EDDM13: variants seen among roughly 807,000 people sequenced by gnomAD.
The protein encoded by EDDM13 is epididymal protein 13.
In EDDM13, 24 loss-of-function variants were observed where a neutral mutation model predicts 17.8. That is an observed-to-expected ratio of 1.35 (90% CI 0.98 to 1.90). EDDM13 has a LOEUF of 1.90. Among genes scored for constraint, EDDM13 ranks in the 40% most tolerant of loss-of-function variants. The pLI, the probability that EDDM13 is intolerant of heterozygous loss-of-function variation, is 0.00. For missense variants in EDDM13, 97 were observed against 100.8 expected (o/e 0.96, Z 0.16); for synonymous variants, 31 against 37.5 (o/e 0.83, Z 0.63).
intron 12 of EDDM13, among the ~76,000 whole-genome samples, chr19:56,298,392 T>C (rs377364578): frequency 6.6e-6 from 1 of 152,088 alleles, no homozygotes; most frequent in African/African-American, 2.4e-5. Context: ...AATCCCAGCA[T>C]TCTGGGAGGC....
intron 2 of EDDM13, chr19:56,280,464 T>C (rs928143761): frequency 6.6e-6 from 1 of 152,056 alleles, no homozygotes; most frequent in African/African-American, 2.4e-5. Flanking sequence ...TAGATCTACA[T>C]ATTTATATCT....
intron 12 of EDDM13, among the ~76,000 whole-genome samples, chr19:56,300,828 GT>G (rs1487136019): frequency 1.3e-5 from 2 of 152,070 alleles, no homozygotes; most frequent in Non-Finnish European, 2.9e-5. Context: ...TTTTCTGAAT[GT>G]AATACTTTTA....
At chr19:56,284,158 T>A in intron 4 of EDDM13, 40 bp from the exon 5 acceptor site, 1 of 985,504 alleles carries the variant, frequency 1.0e-6, no homozygotes, top group Non-Finnish European at 1.2e-6. Flanking sequence ...GCATGTAACC[T>A]TGGCCACCAT....
At chr19:56,287,595 C>T (rs1040060569) in intron 6 of EDDM13, among the ~76,000 whole-genome samples, 5 of 152,162 alleles carry the variant, frequency 3.3e-5, no homozygotes, top group African/African-American at 1.2e-4. Context: ...TCTTATTCCA[C>T]ATGTGAAGTG....
At chr19:56,297,021 A>G (rs1176857861) in intron 11 of EDDM13, among the ~76,000 whole-genome samples, 1 of 152,052 alleles carries the variant, frequency 6.6e-6, no homozygotes, top group Non-Finnish European at 1.5e-5. Context: ...GTGAGCCGAG[A>G]TCATGCCATT....
intron 12 of EDDM13, among the ~76,000 whole-genome samples, chr19:56,299,297 A>G (rs1001495994): frequency 6.6e-6 from 1 of 151,924 alleles, no homozygotes; most frequent in Non-Finnish European, 1.5e-5. Flanking sequence ...ACACCCAGCT[A>G]ATTTATTAAA....
In EDDM13 at chr19:56,284,996, A is replaced by G. The variant is rs1280434199; in HGVS notation, c.128-2A>G. 4 of 985,210 alleles carry G rather than the reference A, an allele frequency of 4.1e-6. No individual in the cohort carries two copies. The highest frequency in any genetic ancestry group is 4.8e-6 in the Non-Finnish European group (4 of 829,740). The allele number at this position is 985,210 out of a possible 1,614,324, so 61.0% of individuals were successfully genotyped here. A position where few individuals can be genotyped will look rare whatever the true frequency, so the allele number is the denominator to read the frequency against. On this transcript the variant is annotated splice_acceptor_variant, in intron 5 of 14. Coordinates refer to ENST00000649256, the MANE Select transcript of EDDM13 (RefSeq NM_001354658.2). LOFTEE classifies it high-confidence loss of function. ...CATCATGTGTTATGTCTTCTTCCTC[A>G]GGTCTCATGAGCAGACTGTCACCGG... is the stretch of plus-strand genomic sequence containing the variant.
At chr19:56,304,726 G>A in intron 13 of EDDM13, 67 bp from the exon 14 acceptor site, 1 of 938,086 alleles carries the variant, frequency 1.1e-6, no homozygotes, top group Non-Finnish European at 1.3e-6. Flanking sequence ...GGGAGGTAAG[G>A]AAGGAATTCA....
chr19:56,297,488 C>T lies in EDDM13; in HGVS notation c.269-17C>T, dbSNP rs1179123644. On this transcript the variant is annotated splice_polypyrimidine_tract_variant and intron_variant, in intron 11 of 14. Coordinates refer to ENST00000649256, the MANE Select transcript of EDDM13 (RefSeq NM_001354658.2). ...TCTCTTCCTGCTTCTTTTTCTCCTC[C>T]ATCTCTTCATTTTTAGAAGAAACAA... 1 of 981,498 alleles carries T rather than the reference C, an allele frequency of 1.0e-6. No homozygotes were observed. Among genetic ancestry groups the T allele is most frequent in the East Asian group, 1.1e-4 (1 of 8,786 alleles). The allele number at this position is 981,498 out of a possible 1,614,324, so 60.8% of individuals were successfully genotyped here.
intron 4 of EDDM13, 195 bp from the exon 5 acceptor site, chr19:56,284,003 C>A: frequency 6.2e-6 from 1 of 161,622 alleles, no homozygotes; most frequent in Non-Finnish European, 1.3e-5. Context: ...CGTTCTGAGT[C>A]TTAGTCCCTG....
At chr19:56,286,984 G>GTGTGGT (rs2039174360) in intron 6 of EDDM13, among the ~76,000 whole-genome samples, 1 of 152,260 alleles carries the variant, frequency 6.6e-6, no homozygotes, top group South Asian at 2.1e-4. Context: ...GCACTGCACA[G>GTGTGGT]TGTGGTTGTG....
chr19:56,273,518 T>C (rs150335703), intron 1 of EDDM13, among the ~76,000 whole-genome samples: 1 of 152,156 alleles, frequency 6.6e-6, no homozygotes, highest in East Asian at 1.9e-4. Flanking sequence ...CATTCTAGTG[T>C]GGGGATTCGG....
intron 2 of EDDM13, among the ~76,000 whole-genome samples, chr19:56,278,278 T>A (rs2038418992): frequency 6.6e-6 from 1 of 152,130 alleles, no homozygotes; most frequent in Non-Finnish European, 1.5e-5. Context: ...GGACTATAGG[T>A]GCATGCCACC....
intron 1 of EDDM13, among the ~76,000 whole-genome samples, chr19:56,273,974 G>A (rs1481395265): frequency 2.6e-5 from 4 of 152,122 alleles, no homozygotes; most frequent in Admixed American, 1.3e-4. Context: ...GTTAGAAAAC[G>A]TTTTGGTCAT....
chr19:56,282,755 A>C (rs2038810966), intron 4 of EDDM13, among the ~76,000 whole-genome samples: 2 of 152,246 alleles, frequency 1.3e-5, no homozygotes, highest in South Asian at 4.1e-4. Flanking sequence ...ACATGGCTCA[A>C]GGAAAGCTAT....
chr19:56,299,744 A>G (rs1222521209), intron 12 of EDDM13: 1 of 152,146 alleles, frequency 6.6e-6, no homozygotes, highest in African/African-American at 2.4e-5. Context: ...GTACTGTTAT[A>G]TTTTTGTATT....
chr19:56,303,641 G>A (rs889163444), intron 13 of EDDM13, among the ~76,000 whole-genome samples: 3 of 152,126 alleles, frequency 2.0e-5, no homozygotes, highest in African/African-American at 2.4e-5. Flanking sequence ...CCTAGATGCT[G>A]GGGACTCAGA....
intron 8 of EDDM13, among the ~76,000 whole-genome samples, chr19:56,290,399 C>G (rs1317365409): frequency 6.6e-6 from 1 of 152,232 alleles, no homozygotes; most frequent in Non-Finnish European, 1.5e-5. Context: ...AAAGCCTACA[C>G]TATTTACTGT....
chr19:56,284,923 C>A, intron 5 of EDDM13, 75 bp from the exon 6 acceptor site: 1 of 752,554 alleles, frequency 1.3e-6, no homozygotes, highest in Non-Finnish European at 1.6e-6. Context: ...ATCTGTTGAA[C>A]TGGGAGAAAT....
Sources: gnomAD v4.1 joint callset for allele counts (sites outside exome capture counted in the v4.1 genomes callset) on GRCh38, gnomAD v4.1.1 for gene constraint, MANE v1.5 for transcripts, NCBI Gene and HGNC (gene_info 2026-07-23, HGNC 2026-07-21) for gene names.